CD99: variants seen among roughly 807,000 people sequenced by gnomAD.
CD99 encodes CD99 antigen.
A neutral mutation model predicts 28.4 loss-of-function variants in CD99; 19 were observed. The ratio of observed to expected loss-of-function variants is 0.67; its 90% CI spans 0.47 to 0.98. The LOEUF (loss-of-function observed/expected upper bound fraction) is 0.98. CD99 is among the 50% of genes least tolerant of loss of function. The pLI is 0.00. For synonymous variants in CD99, 103 were observed against 92.1 expected (o/e 1.12, Z -0.67); for missense variants, 283 against 248.8 (o/e 1.14, Z -0.92).
At chrX:2,734,066 G>A (rs1258783916) in intron 8 of CD99, among the ~76,000 whole-genome samples, 1 of 152,092 alleles carries the variant, frequency 6.6e-6, no homozygotes, top group Admixed American at 6.6e-5. Flanking sequence ...GAGCCTCTGC[G>A]GCCGTCTTCC....
intron 5 of CD99, among the ~76,000 whole-genome samples, chrX:2,720,815 G>A (rs2048961415): frequency 6.6e-6 from 1 of 151,918 alleles, no homozygotes; most frequent in Non-Finnish European, 1.5e-5. Flanking sequence ...AGTAGAGACA[G>A]GGTTTTGCCA....
At chrX:2,716,335 T>C (rs1368344760) in intron 2 of CD99, among the ~76,000 whole-genome samples, 2 of 133,592 alleles carry the variant, frequency 1.5e-5, no homozygotes, top group South Asian at 2.4e-4. Context: ...CACTTTTTTA[T>C]GTTTTACTTT....
chrX:2,714,556 C>T, intron 2 of CD99, 102 bp downstream of exon 2: 1 of 982,676 alleles, frequency 1.0e-6, no homozygotes, highest in Non-Finnish European at 1.6e-6. Context: ...TAGACCACCG[C>T]AATAACAGGA....
intron 1 of CD99, among the ~76,000 whole-genome samples, chrX:2,705,343 C>T (rs962746767): frequency 1.7e-3 from 262 of 152,218 alleles, no homozygotes; most frequent in Non-Finnish European, 3.1e-3. Flanking sequence ...TGGAGTATTT[C>T]TGAGACTATG....
rs1188252810 is a variant in CD99 at position 2,726,388 on chromosome X, G to A, written c.475+15G>A. The A allele has an allele frequency of 4.7e-6, 7 of 1,474,282 alleles. No individual in the cohort carries two copies. Among genetic ancestry groups the A allele is most frequent in the Admixed American group, 3.3e-5 (2 of 59,780 alleles). The allele number at this position is 1,474,282 out of a possible 1,614,324, so 91.3% of individuals were successfully genotyped here. On this transcript the variant is annotated intron_variant, in intron 8 of 9. Transcript: ENST00000381192. ...CAAAGAAAATGGTAAGTCTCAGTCCGCCGGTGCCTCTCCTTCATGCCTTGC... is the reference window on the plus strand; with the variant it reads ...CAAAGAAAATGGTAAGTCTCAGTCCACCGGTGCCTCTCCTTCATGCCTTGC...
intron 1 of CD99, among the ~76,000 whole-genome samples, chrX:2,714,094 C>T (rs929213345): frequency 1.2e-4 from 18 of 152,206 alleles, no homozygotes; most frequent in African/African-American, 4.1e-4. Context: ...ATGTTGTTTT[C>T]AGTACATATT....
chrX:2,705,781 C>G (rs2048083836), intron 1 of CD99, among the ~76,000 whole-genome samples: 1 of 152,104 alleles, frequency 6.6e-6, no homozygotes, highest in African/African-American at 2.4e-5. Context: ...AAAAAGAGGA[C>G]AATACTTCCA....
chrX:2,731,443 A>G, intron 8 of CD99, among the ~76,000 whole-genome samples: 1 of 152,294 alleles, frequency 6.6e-6, no homozygotes, highest in Non-Finnish European at 1.5e-5. Flanking sequence ...TACAAAAATT[A>G]GCCAGGCATG....
intron 8 of CD99, among the ~76,000 whole-genome samples, chrX:2,726,633 ATGGT>A (rs1460852355): frequency 6.6e-6 from 1 of 152,180 alleles, no homozygotes; most frequent in African/African-American, 2.4e-5. Flanking sequence ...CAAGTGGGAA[ATGGT>A]TGGTACATAT....
At chrX:2,691,470 C>T (rs2047284155) in intron 1 of CD99, 43 bp downstream of exon 1, 1 of 1,548,972 alleles carries the variant, frequency 6.5e-7, no homozygotes, top group Non-Finnish European at 8.7e-7. Flanking sequence ...GCGGAGGGCG[C>T]GGGCCGGGAC....
intron 8 of CD99, among the ~76,000 whole-genome samples, chrX:2,729,786 C>T (rs1204945876): frequency 6.6e-6 from 1 of 152,104 alleles, no homozygotes; most frequent in Non-Finnish European, 1.5e-5. Context: ...TTTTTTATTG[C>T]AGGAGGTGGG....
chrX:2,714,052 T>C (rs1481412893), intron 1 of CD99, among the ~76,000 whole-genome samples: 1 of 152,184 alleles, frequency 6.6e-6, no homozygotes, highest in Non-Finnish European at 1.5e-5. Flanking sequence ...TACAGGAAAG[T>C]TGCCAATAAA....
intron 8 of CD99, among the ~76,000 whole-genome samples, chrX:2,736,176 TG>T (rs2049927324): frequency 7.0e-6 from 1 of 142,086 alleles, no homozygotes; most frequent in South Asian, 2.2e-4. Flanking sequence ...CGTTCCAGCC[TG>T]GGCGACAGAG....
chrX:2,722,764 G>A, intron 6 of CD99, 90 bp downstream of exon 6: 3 of 1,278,712 alleles, frequency 2.3e-6, no homozygotes. Flanking sequence ...TAAACTGTCA[G>A]CTCTCTGTGA....
In CD99 at chrX:2,717,889, TGCTTTTATTCTAAGG is replaced by T. The variant is rs2048806110; in HGVS notation, c.148+239_148+253del. On this transcript the variant is annotated intron_variant, in intron 3 of 9. Transcript: ENST00000381192. ...GGGCCATTTGGACAACATCTCTGTG[TGCTTTTATTCTAAGG>T]GTCTGAGTTACTCTGTCTTTAGATT... 71 of 571,134 alleles carry T rather than the reference TGCTTTTATTCTAAGG, an allele frequency of 1.2e-4. 1 individual carries two copies. In the South Asian group the frequency reaches 1.7e-3, roughly 14 times the overall value. 35.4% of individuals were successfully genotyped at this position (571,134 alleles called of 1,614,324 possible).
intron 9 of CD99, among the ~76,000 whole-genome samples, chrX:2,738,703 C>T (rs866155443): frequency 4.0e-5 from 6 of 149,324 alleles, no homozygotes; most frequent in African/African-American, 9.9e-5. Flanking sequence ...CCAGCCTGGG[C>T]GACACAGTGA....
chrX:2,719,750 A>G, intron 4 of CD99, 45 bp downstream of exon 4: 3 of 1,554,026 alleles, frequency 1.9e-6, no homozygotes, highest in Admixed American at 1.7e-5. Context: ...TCTGCTTATT[A>G]TCACCCAATT....
chrX:2,731,315 C>T (rs2049591506), intron 8 of CD99, among the ~76,000 whole-genome samples: 3 of 152,272 alleles, frequency 2.0e-5, no homozygotes, highest in South Asian at 2.1e-4. Flanking sequence ...ATGGGCCAGG[C>T]GCGGTGGCTT....
intron 1 of CD99, among the ~76,000 whole-genome samples, chrX:2,712,551 C>T (rs1272482900): frequency 6.6e-6 from 1 of 152,102 alleles, no homozygotes; most frequent in African/African-American, 2.4e-5. Flanking sequence ...GTAGGATCCT[C>T]CCTTGCTACC....
Sources: allele counts gnomAD v4.1 joint callset (sites outside exome capture counted in the v4.1 genomes callset), GRCh38; gene constraint gnomAD v4.1.1; transcripts MANE v1.5; gene names NCBI Gene and HGNC (gene_info 2026-07-23, HGNC 2026-07-21).